The following TCF12 variants were observed in gnomAD, a reference collection of about 807,000 sequenced individuals.
The protein encoded by TCF12 is transcription factor 12, also known as DNA-binding protein HTF4.
A neutral mutation model predicts 86.0 loss-of-function variants in TCF12; 45 were observed. That is an observed-to-expected ratio of 0.52 (90% confidence interval 0.41 to 0.67). The LOEUF (loss-of-function observed/expected upper bound fraction) is 0.67. TCF12 is among the 30% of genes least tolerant of loss of function. TCF12 has a pLI of 0.00. For missense variants in TCF12, 881 were observed against 859.9 expected (o/e 1.02, Z -0.31); for synonymous variants, 330 against 299.6 (o/e 1.10, Z -1.05).
At chr15:57,153,994 C>CT (rs1411208983) in intron 5 of TCF12, among the ~76,000 whole-genome samples, 1 of 145,386 alleles carries the variant, frequency 6.9e-6, no homozygotes. Flanking sequence ...GACCCTGTGT[C>CT]TTTAAAAAAA....
At chr15:57,110,024 A>AGG in intron 5 of TCF12, among the ~76,000 whole-genome samples, 1 of 143,568 alleles carries the variant, frequency 7.0e-6, no homozygotes, top group African/African-American at 2.6e-5. Flanking sequence ...TTAATGTCGT[A>AGG]GGAGACCAAA....
intron 8 of TCF12, among the ~76,000 whole-genome samples, chr15:57,220,306 G>A (rs1287021676): frequency 6.6e-6 from 1 of 152,148 alleles, no homozygotes; most frequent in South Asian, 2.1e-4. Context: ...AAAGATGAAA[G>A]TCATCTAGGA....
At chr15:57,204,722 G>GA (rs2057724726) in intron 8 of TCF12, among the ~76,000 whole-genome samples, 1 of 150,174 alleles carries the variant, frequency 6.7e-6, no homozygotes, top group Non-Finnish European at 1.5e-5. Context: ...ATATTCAAAA[G>GA]AAAAAAATAC....
intron 3 of TCF12, among the ~76,000 whole-genome samples, chr15:57,059,321 A>G (rs1389407572): frequency 1.3e-5 from 2 of 152,162 alleles, no homozygotes; most frequent in African/African-American, 4.8e-5. Context: ...ATGGGCTCTC[A>G]TTTATGATAC....
intron 3 of TCF12, among the ~76,000 whole-genome samples, chr15:56,977,967 G>A (rs947573324): frequency 3.0e-4 from 45 of 152,022 alleles, no homozygotes; most frequent in African/African-American, 9.2e-4. Context: ...TACTGGTTGC[G>A]GGACCACTCT....
intron 3 of TCF12, among the ~76,000 whole-genome samples, chr15:56,979,428 T>C (rs1219005162): frequency 6.6e-6 from 1 of 152,234 alleles, no homozygotes; most frequent in African/African-American, 2.4e-5. Flanking sequence ...CAGTAAATAT[T>C]ACTTGCTTGT....
At chr15:57,280,929 A>G (rs1474239764) in intron 19 of TCF12, among the ~76,000 whole-genome samples, 3 of 152,182 alleles carry the variant, frequency 2.0e-5, no homozygotes, top group African/African-American at 7.2e-5. Context: ...AACCTATACT[A>G]TATGTTATAA....
chr15:57,097,415 C>T (rs1001769197), intron 5 of TCF12, among the ~76,000 whole-genome samples: 25 of 151,972 alleles, frequency 1.6e-4, no homozygotes, highest in African/African-American at 5.3e-4. Context: ...TATGGTCCCA[C>T]CTACCTGGGA....
At chr15:56,973,820 A>T (rs1031506519) in intron 3 of TCF12, among the ~76,000 whole-genome samples, 1 of 152,142 alleles carries the variant, frequency 6.6e-6, no homozygotes, top group Non-Finnish European at 1.5e-5. Context: ...CAGTAAAGGG[A>T]CAAGTTGACA....
intron 8 of TCF12, among the ~76,000 whole-genome samples, chr15:57,222,713 TGA>T (rs1160153200): frequency 2.7e-5 from 4 of 147,948 alleles, no homozygotes; most frequent in African/African-American, 9.8e-5. Context: ...AAAAAAGTCT[TGA>T]GAGCAAAGGA....
Position 56,948,199 on chromosome 15 carries a change from G to A in TCF12, c.148+27101G>A, listed in dbSNP as rs146953626. On this transcript the variant is annotated intron_variant, in intron 3 of 20. Transcript: ENST00000333725. ...TGCAGTGGCGTGATCATGGCTCACTGCAGCCTTGACCTCCTGGGCTGAATT... is the reference window on the plus strand; with the variant it reads ...TGCAGTGGCGTGATCATGGCTCACTACAGCCTTGACCTCCTGGGCTGAATT... Among the ~76,000 whole-genome samples the A allele has an allele frequency of 4.4e-3, 666 of 151,912 alleles. 7 individuals are homozygous for A. The highest frequency in any genetic ancestry group is 0.022 in the Admixed American group (328 of 15,252).
At chr15:57,180,675 C>T (rs2056274377) in intron 6 of TCF12, among the ~76,000 whole-genome samples, 1 of 151,860 alleles carries the variant, frequency 6.6e-6, no homozygotes, top group Non-Finnish European at 1.5e-5. Flanking sequence ...GCAGAGGTTC[C>T]ATGAATTCAT....
chr15:57,039,687 G>T (rs1313908285), intron 3 of TCF12, among the ~76,000 whole-genome samples: 1 of 152,078 alleles, frequency 6.6e-6, no homozygotes, highest in Admixed American at 6.5e-5. Context: ...CTGTCTCTCT[G>T]TGGGTTATGC....
At chr15:57,021,511 C>T (rs115936853) in intron 3 of TCF12, among the ~76,000 whole-genome samples, 4,433 of 152,246 alleles carry the variant, frequency 0.029, 181 homozygotes, top group African/African-American at 0.089. Context: ...CATAAGGAAA[C>T]AGTTTGAGAA....
intron 4 of TCF12, among the ~76,000 whole-genome samples, chr15:57,086,647 C>T (rs1215393219): frequency 1.4e-5 from 2 of 146,484 alleles, no homozygotes; most frequent in African/African-American, 2.5e-5. Context: ...TTGTTAGGGT[C>T]CAGGGAAAGC....
intron 3 of TCF12, among the ~76,000 whole-genome samples, chr15:56,996,343 C>G (rs887303532): frequency 1.3e-5 from 2 of 152,118 alleles, no homozygotes; most frequent in African/African-American, 4.8e-5. Context: ...TAAAGCCACA[C>G]ACCTACAACC....
chr15:57,143,360 G>T lies in TCF12; in HGVS notation c.326-23042G>T, dbSNP rs370392570. On this transcript the variant is annotated intron_variant, in intron 5 of 20. Transcript: ENST00000333725. ...CAGCACATACACACCGAAGTATTTTGTGGGTGGTAGAGCATCGTGTCTGCT... is the reference window on the plus strand; with the variant it reads ...CAGCACATACACACCGAAGTATTTTTTGGGTGGTAGAGCATCGTGTCTGCT... Among the ~76,000 whole-genome samples the T allele has an allele frequency of 6.2e-4, 95 of 152,266 alleles. No homozygotes were observed. The South Asian group carries it at 0.019, about 31-fold the overall frequency.
intron 4 of TCF12, among the ~76,000 whole-genome samples, chr15:57,086,212 G>GATAAGAATAATAATAATA (rs1555501431): frequency 7.1e-6 from 1 of 141,622 alleles, no homozygotes; most frequent in Non-Finnish European, 1.5e-5. Context: ...GGATGATGAT[G>GATAAGAATAATAATAATA]ATAATAATAA....
At chr15:57,169,559 T>G (rs1329128021) in intron 6 of TCF12, among the ~76,000 whole-genome samples, 2 of 152,154 alleles carry the variant, frequency 1.3e-5, no homozygotes, top group Non-Finnish European at 2.9e-5. Context: ...AAAAAATAAA[T>G]AAATAATTTT....
Sources: allele counts gnomAD v4.1 joint callset (sites outside exome capture counted in the v4.1 genomes callset), GRCh38; gene constraint gnomAD v4.1.1; transcripts MANE v1.5; gene names NCBI Gene and HGNC (gene_info 2026-07-23, HGNC 2026-07-21).